GRID2: variants seen among roughly 807,000 people sequenced by gnomAD.
GRID2 encodes the protein glutamate ionotropic receptor delta type subunit 2.
GRID2 carries 33 observed loss-of-function variants against 114.8 expected under a neutral mutation model. The observed-to-expected ratio is 0.29, with a 90% confidence interval of 0.22 to 0.38. The LOEUF (loss-of-function observed/expected upper bound fraction) is 0.38. Ranked by LOEUF, GRID2 falls within the 10% of genes least tolerant of loss-of-function variation. GRID2 has a pLI of 1.00. For missense variants in GRID2, 1,184 were observed against 1,257.7 expected (o/e 0.94, Z 0.89); for synonymous variants, 505 against 449.9 (o/e 1.12, Z -1.55).
intron 8 of GRID2, among the ~76,000 whole-genome samples, chr4:93,299,685 G>A (rs1353891954): frequency 2.0e-5 from 3 of 151,852 alleles, no homozygotes; most frequent in Non-Finnish European, 4.4e-5. Flanking sequence ...ATGTACCCTA[G>A]AACTTAAAGT....
At position 92,363,682 on chromosome 4, in the gene GRID2, A is replaced by G. The variant is rs1728719831; in HGVS notation, c.88+58938A>G. Among the ~76,000 whole-genome samples, 3 of 152,002 alleles carry G rather than the reference A, an allele frequency of 2.0e-5. No homozygotes were observed. The South Asian group carries it at 6.2e-4, about 31-fold the overall frequency. On this transcript the variant is annotated intron_variant, in intron 1 of 15. Coordinates refer to ENST00000282020, the MANE Select transcript of GRID2 (RefSeq NM_001510.4). ...CTATTTTATACTGAATTGAAATAAC[A>G]TACTATGTTCCTAAAATATCATATG...
chr4:92,718,978 T>C (rs902289504), intron 2 of GRID2, among the ~76,000 whole-genome samples: 4 of 151,886 alleles, frequency 2.6e-5, no homozygotes, highest in African/African-American at 7.3e-5. Flanking sequence ...TTGATGAAAA[T>C]ATCAAAAGAC....
intron 2 of GRID2, among the ~76,000 whole-genome samples, chr4:92,986,407 C>T (rs576108548): frequency 1.3e-5 from 2 of 152,200 alleles, no homozygotes; most frequent in African/African-American, 2.4e-5. Flanking sequence ...TACTTTATAC[C>T]TCTCTGCACA....
intron 1 of GRID2, among the ~76,000 whole-genome samples, chr4:92,501,717 G>T (rs190609414): frequency 3.9e-4 from 60 of 152,210 alleles, no homozygotes; most frequent in Non-Finnish European, 1.5e-5. Context: ...TTCCTACTAG[G>T]TCGGAGTGTA....
At chr4:93,227,331 G>T (rs1745604468) in intron 7 of GRID2, among the ~76,000 whole-genome samples, 1 of 151,934 alleles carries the variant, frequency 6.6e-6, no homozygotes, top group African/African-American at 2.4e-5. Flanking sequence ...GGGTTCAAGT[G>T]ATTCTCCAGC....
chr4:93,633,281 G>T (rs1214368626), intron 14 of GRID2, among the ~76,000 whole-genome samples: 1 of 151,424 alleles, frequency 6.6e-6, no homozygotes, highest in Non-Finnish European at 1.5e-5. Flanking sequence ...TTAAGTATTA[G>T]AATATTTAGT....
In GRID2 at chr4:92,678,647, T is replaced by TA. The variant is rs77009969; in HGVS notation, c.244+88372dup. The stretch of plus-strand genomic sequence containing the variant: ...TTTTAAAATAAATTGATGAGCACCT[T>TA]AAAAAAAAAAACCTTAGATTCAGGG... On this transcript the variant is annotated intron_variant, in intron 2 of 15. Coordinates refer to ENST00000282020, the MANE Select transcript of GRID2 (RefSeq NM_001510.4). 9.9e-3 allele frequency among the ~76,000 whole-genome samples: 1,437 copies of TA among 145,294 alleles called. 10 individuals are homozygous for TA. The highest frequency in any genetic ancestry group is 0.013 in the Non-Finnish European group (877 of 65,662).
chr4:92,395,941 T>C (rs1047231981), intron 1 of GRID2, among the ~76,000 whole-genome samples: 1 of 151,890 alleles, frequency 6.6e-6, no homozygotes, highest in African/African-American at 2.4e-5. Context: ...ACTTGGTAAG[T>C]AGATTTTGAA....
chr4:92,767,617 G>C (rs114037334), intron 2 of GRID2, among the ~76,000 whole-genome samples: 3,486 of 152,158 alleles, frequency 0.023, 136 homozygotes, highest in African/African-American at 0.08. Flanking sequence ...TGGGCATGGT[G>C]GTGGGTATCT....
chr4:93,502,011 G>C (rs1728160147), intron 12 of GRID2, among the ~76,000 whole-genome samples: 1 of 151,620 alleles, frequency 6.6e-6, no homozygotes, highest in Non-Finnish European at 1.5e-5. Flanking sequence ...CAAACTTATA[G>C]ATATGGTTAA....
At chr4:92,814,915 C>T (rs531683726) in intron 2 of GRID2, among the ~76,000 whole-genome samples, 1 of 152,142 alleles carries the variant, frequency 6.6e-6, no homozygotes, top group African/African-American at 2.4e-5. Context: ...TCTAGTGTCC[C>T]CCCAATGTCA....
intron 9 of GRID2, among the ~76,000 whole-genome samples, chr4:93,396,351 A>T (rs955034988): frequency 6.6e-6 from 1 of 151,858 alleles, no homozygotes; most frequent in African/African-American, 2.4e-5. Context: ...TCTGTGGGGG[A>T]TGCATTCCAA....
chr4:92,725,985 T>C (rs998427409), intron 2 of GRID2, among the ~76,000 whole-genome samples: 8 of 152,016 alleles, frequency 5.3e-5, no homozygotes, highest in African/African-American at 1.9e-4. Context: ...AAGGCATAGG[T>C]GAAAATATTG....
At chr4:93,544,672 G>A (rs138315067) in intron 13 of GRID2, among the ~76,000 whole-genome samples, 25 of 151,816 alleles carry the variant, frequency 1.6e-4, no homozygotes, top group Admixed American at 1.2e-3. Flanking sequence ...AGTCACTCGG[G>A]AGGCTGAGGC....
At chr4:92,908,995 C>T (rs1748170090) in intron 2 of GRID2, among the ~76,000 whole-genome samples, 1 of 152,098 alleles carries the variant, frequency 6.6e-6, no homozygotes, top group Non-Finnish European at 1.5e-5. Flanking sequence ...TATAAATTCA[C>T]ATTAATTGAT....
chr4:92,582,463 C>T (rs1190020114), intron 1 of GRID2, among the ~76,000 whole-genome samples: 1 of 151,182 alleles, frequency 6.6e-6, no homozygotes, highest in Non-Finnish European at 1.5e-5. Context: ...CCCTAAACAC[C>T]CTTAAATATA....
chr4:93,516,319 G>T (rs1259328811), intron 13 of GRID2, among the ~76,000 whole-genome samples: 1 of 152,070 alleles, frequency 6.6e-6, no homozygotes, highest in Non-Finnish European at 1.5e-5. Flanking sequence ...TTCTGTGACA[G>T]GTTCCAGCAT....
At chr4:93,537,430 A>G (rs935145250) in intron 13 of GRID2, among the ~76,000 whole-genome samples, 6 of 151,808 alleles carry the variant, frequency 4.0e-5, no homozygotes, top group Non-Finnish European at 7.4e-5. Flanking sequence ...ATAAAAACAA[A>G]TGGCTATAAA....
chr4:92,354,902 C>T lies in GRID2; in HGVS notation c.88+50158C>T, dbSNP rs555258285. 2.2e-4 allele frequency among the ~76,000 whole-genome samples: 34 copies of T among 152,008 alleles called. No homozygotes were observed. In the East Asian group the frequency reaches 4.3e-3, roughly 19 times the overall value. The stretch of plus-strand genomic sequence containing the variant: ...AACTTACCACCTCCCACCTTTATTA[C>T]GCTATCATTTAGAAAATTGCTTATG... On this transcript the variant is annotated intron_variant, in intron 1 of 15. Transcript: ENST00000282020.
Sources: gnomAD v4.1 joint callset for allele counts (sites outside exome capture counted in the v4.1 genomes callset) on GRCh38, gnomAD v4.1.1 for gene constraint, MANE v1.5 for transcripts, NCBI Gene and HGNC (gene_info 2026-07-23, HGNC 2026-07-21) for gene names.